Variants in NEDD4L observed in about 807,000 individuals in gnomAD.
NEDD4L encodes the protein E3 ubiquitin-protein ligase NEDD4-like.
Under a neutral mutation model 148.9 loss-of-function variants are expected in NEDD4L, and 54 were observed. That is an observed-to-expected ratio of 0.36 (90% CI 0.29 to 0.45). The LOEUF (loss-of-function observed/expected upper bound fraction) is 0.45. Among genes scored for constraint, NEDD4L ranks in the 20% least tolerant of loss-of-function variants. The pLI is 1.00. For synonymous variants in NEDD4L, 433 were observed against 440.7 expected, an observed-to-expected ratio of 0.98 and a Z score of 0.22; for missense variants, 856 against 1,233.8, an observed-to-expected ratio of 0.69 and a Z score of 4.59.
intron 1 of NEDD4L, among the ~76,000 whole-genome samples, chr18:58,125,375 G>A (rs1041357073): frequency 1.3e-5 from 2 of 152,118 alleles, no homozygotes; most frequent in Admixed American, 1.3e-4. Context: ...GTGTGTGTGT[G>A]TGTGTGTGTG....
chr18:58,046,644 A>G (rs185830190), intron 1 of NEDD4L: 3 of 152,164 alleles, frequency 2.0e-5, no homozygotes, highest in Non-Finnish European at 4.4e-5. Context: ...AGTCACTACT[A>G]ATCATCATAA....
chr18:58,200,506 A>G (rs890708963), intron 2 of NEDD4L, among the ~76,000 whole-genome samples: 2 of 152,256 alleles, frequency 1.3e-5, no homozygotes, highest in Non-Finnish European at 2.9e-5. Flanking sequence ...CACAAAATAC[A>G]TATGCAGGCC....
chr18:58,241,149 A>G (rs1283619538), intron 2 of NEDD4L, among the ~76,000 whole-genome samples: 1 of 152,196 alleles, frequency 6.6e-6, no homozygotes, highest in East Asian at 1.9e-4. Flanking sequence ...TACTCCTGCC[A>G]AGCACTATTA....
chr18:58,102,540 C>A (rs1375419494), intron 1 of NEDD4L, among the ~76,000 whole-genome samples: 2 of 152,188 alleles, frequency 1.3e-5, no homozygotes, highest in Non-Finnish European at 2.9e-5. Context: ...TTTAAAAATA[C>A]AGTTAACCCC....
At chr18:58,242,413 A>G (rs370666596) in intron 2 of NEDD4L, among the ~76,000 whole-genome samples, 99 of 152,312 alleles carry the variant, frequency 6.5e-4, no homozygotes, top group African/African-American at 2.4e-3. Flanking sequence ...TGAAGTTAAG[A>G]GTGGTTAAGT....
At chr18:58,346,068 T>C (rs551299050) in intron 16 of NEDD4L, among the ~76,000 whole-genome samples, 2 of 152,276 alleles carry the variant, frequency 1.3e-5, no homozygotes, top group African/African-American at 4.8e-5. Context: ...CAAGTTTAGC[T>C]TCATTCAAAG....
At chr18:58,114,625 C>T (rs901074097) in intron 1 of NEDD4L, among the ~76,000 whole-genome samples, 7 of 152,126 alleles carry the variant, frequency 4.6e-5, no homozygotes, top group East Asian at 3.8e-4. Flanking sequence ...AAGGCAGGAC[C>T]GCAGAGCGGT....
At chr18:58,250,242 C>CA (rs60219989) in intron 4 of NEDD4L, among the ~76,000 whole-genome samples, 25,299 of 151,928 alleles carry the variant, frequency 0.17, 2,777 homozygotes, top group East Asian at 0.35. Context: ...CTCTGCCTCC[C>CA]AGGTTCAAGT....
rs913372205 is a variant in NEDD4L, at chr18:58,332,505, G to A, written c.991-1313G>A. ...TCTACTAAAAATGCAAAACTTAGCC[G>A]GGTGTGGTGGGGTGCACCTGTAGTT... On this transcript the variant is annotated intron_variant, in intron 11 of 30. Coordinates refer to ENST00000400345, the MANE Select transcript of NEDD4L (RefSeq NM_001144967.3). Among the ~76,000 whole-genome samples, 24 of 152,164 alleles carry A rather than the reference G, an allele frequency of 1.6e-4. No homozygotes were observed. The East Asian group carries it at 1.7e-3, about 11-fold the overall frequency.
chr18:58,180,684 T>C (rs2038762455), intron 2 of NEDD4L, among the ~76,000 whole-genome samples: 1 of 152,264 alleles, frequency 6.6e-6, no homozygotes, highest in South Asian at 2.1e-4. Context: ...GTTTAGGACA[T>C]TCTTTAAAAC....
chr18:58,201,736 C>G (rs1381668618), intron 2 of NEDD4L, among the ~76,000 whole-genome samples: 1 of 152,180 alleles, frequency 6.6e-6, no homozygotes, highest in Non-Finnish European at 1.5e-5. Context: ...CTCCATTGCC[C>G]TTTTTGGAAA....
At chr18:58,345,647 T>C (rs1309744873) in intron 16 of NEDD4L, among the ~76,000 whole-genome samples, 2 of 152,218 alleles carry the variant, frequency 1.3e-5, no homozygotes, top group Non-Finnish European at 1.5e-5. Context: ...TATTGAAATA[T>C]GTCATGAAAG....
Position 58,047,440 on chromosome 18 carries a change from G to GTTCT in NEDD4L, c.48+2732_48+2733insTTCT, listed in dbSNP as rs574402047. ...AAGCATTGCATGAACCCAGAAAACG[G>GTTCT]GGATGCCAAAGCACAGGGCTTAGGT... On this transcript the variant is annotated intron_variant, in intron 1 of 30. Coordinates refer to ENST00000400345, the MANE Select transcript of NEDD4L (RefSeq NM_001144967.3). 3.0e-3 allele frequency: 2,913 copies of GTTCT among 985,374 alleles called. 5 individuals are homozygous for GTTCT. The highest frequency in any genetic ancestry group is 3.2e-3 in the Non-Finnish European group (2,651 of 829,902). The allele number at this position is 985,374 out of a possible 1,614,324, so 61.0% of individuals were successfully genotyped here. A position where few individuals can be genotyped will look rare whatever the true frequency, so the allele number is the denominator to read the frequency against.
chr18:58,252,917 T>G (rs773790155), intron 5 of NEDD4L, among the ~76,000 whole-genome samples: 1 of 152,164 alleles, frequency 6.6e-6, no homozygotes, highest in African/African-American at 2.4e-5. Context: ...CATTTTGCTT[T>G]CTTAACTATC....
intron 1 of NEDD4L, among the ~76,000 whole-genome samples, chr18:58,147,968 G>T (rs1354061401): frequency 6.6e-6 from 1 of 152,104 alleles, no homozygotes; most frequent in Non-Finnish European, 1.5e-5. Flanking sequence ...AAGGGGCTGG[G>T]CTCGGAATGG....
intron 1 of NEDD4L, among the ~76,000 whole-genome samples, chr18:58,143,906 G>C (rs547659960): frequency 6.6e-6 from 1 of 152,178 alleles, no homozygotes; most frequent in Non-Finnish European, 1.5e-5. Flanking sequence ...CATTTTCCCT[G>C]TGGCCTGATA....
chr18:58,072,587 A>G (rs559806373), intron 1 of NEDD4L, among the ~76,000 whole-genome samples: 1 of 152,358 alleles, frequency 6.6e-6, no homozygotes, highest in South Asian at 2.1e-4. Flanking sequence ...ACAATTTGAT[A>G]AAGACTGTCT....
chr18:58,321,638 G>T (rs1177562513), intron 6 of NEDD4L, among the ~76,000 whole-genome samples: 2 of 152,234 alleles, frequency 1.3e-5, no homozygotes, highest in Non-Finnish European at 2.9e-5. Context: ...GTGTGTGCAT[G>T]CACGCGCACA....
chr18:58,262,177 G>A (rs1052732317), intron 5 of NEDD4L, among the ~76,000 whole-genome samples: 1 of 152,134 alleles, frequency 6.6e-6, no homozygotes, highest in Non-Finnish European at 1.5e-5. Context: ...AAGGCCAAAG[G>A]ACGGAATGTG....
Sources: gnomAD v4.1 joint callset for allele counts (sites outside exome capture counted in the v4.1 genomes callset) on GRCh38, gnomAD v4.1.1 for gene constraint, MANE v1.5 for transcripts, NCBI Gene and HGNC (gene_info 2026-07-23, HGNC 2026-07-21) for gene names.